CTNNA2: variants seen among roughly 807,000 people sequenced by gnomAD.
CTNNA2 encodes catenin alpha 2, also known as catenin alpha-2.
In CTNNA2, 42 loss-of-function variants were observed where a neutral mutation model predicts 101.0. The observed-to-expected ratio is 0.42, with a 90% CI of 0.32 to 0.54. The LOEUF (loss-of-function observed/expected upper bound fraction) is 0.54. Ranked by LOEUF, CTNNA2 falls within the 20% of genes least tolerant of loss-of-function variation. CTNNA2 has a pLI of 0.14. For missense variants in CTNNA2, 871 were observed against 1,223.1 expected (o/e 0.71, Z 4.29); for synonymous variants, 450 against 456.4 (o/e 0.99, Z 0.18).
intron 7 of CTNNA2, among the ~76,000 whole-genome samples, chr2:79,947,551 C>T (rs2104478974): frequency 6.6e-6 from 1 of 152,252 alleles, no homozygotes; most frequent in East Asian, 1.9e-4. Context: ...TTTGCATTGC[C>T]ATTGAACAGA....
At chr2:80,230,632 A>G (rs546077476) in intron 7 of CTNNA2, among the ~76,000 whole-genome samples, 1 of 152,268 alleles carries the variant, frequency 6.6e-6, no homozygotes, top group South Asian at 2.1e-4. Context: ...TCTTCAGAGA[A>G]AGCCACAAGA....
Position 79,924,305 on chromosome 2 carries a change from A to G in CTNNA2, c.1056+14508A>G, listed in dbSNP as rs575420284. On this transcript the variant is annotated intron_variant, in intron 7 of 18. Transcript: ENST00000402739. Reference sequence around the variant, plus strand: ...TTCTACATCTTTGGGGTTTTGCAGTATAAATTGTGTTGTTCTGAGCTTCCC... The same window carrying G: ...TTCTACATCTTTGGGGTTTTGCAGTGTAAATTGTGTTGTTCTGAGCTTCCC... 2.0e-5 allele frequency among the ~76,000 whole-genome samples: 3 copies of G among 152,172 alleles called. No homozygotes were observed. In the East Asian group the frequency reaches 5.8e-4, roughly 29 times the overall value.
chr2:80,107,520 C>T (rs978346217), intron 7 of CTNNA2, among the ~76,000 whole-genome samples: 1 of 152,188 alleles, frequency 6.6e-6, no homozygotes, highest in Non-Finnish European at 1.5e-5. Flanking sequence ...CTGCTCCCCT[C>T]TCTGCTGATA....
intron 3 of CTNNA2, among the ~76,000 whole-genome samples, chr2:79,313,702 A>G (rs985761009): frequency 8.5e-5 from 13 of 152,188 alleles, no homozygotes; most frequent in African/African-American, 3.1e-4. Flanking sequence ...GGACTCTGAC[A>G]GAAACATGCA....
At chr2:80,307,410 C>T (rs552490002) in intron 7 of CTNNA2, among the ~76,000 whole-genome samples, 13 of 151,918 alleles carry the variant, frequency 8.6e-5, no homozygotes, top group African/African-American at 2.7e-4. Context: ...CACAGCAAGT[C>T]GATATGGCTG....
chr2:80,026,943 G>C (rs1221647531), intron 7 of CTNNA2, among the ~76,000 whole-genome samples: 2 of 152,170 alleles, frequency 1.3e-5, no homozygotes, highest in Non-Finnish European at 2.9e-5. Context: ...CAATTAATAA[G>C]GTAGATTTCA....
intron 2 of CTNNA2, among the ~76,000 whole-genome samples, chr2:79,737,864 G>T (rs1248336319): frequency 6.6e-6 from 1 of 152,166 alleles, no homozygotes; most frequent in Non-Finnish European, 1.5e-5. Flanking sequence ...GTGTAATGGA[G>T]TTTCCAAGAC....
intron 7 of CTNNA2, among the ~76,000 whole-genome samples, chr2:80,255,513 GTGAGCCT>G (rs1448784623): frequency 6.6e-6 from 1 of 152,058 alleles, no homozygotes; most frequent in African/African-American, 2.4e-5. Flanking sequence ...AAATAGATTT[GTGAGCCT>G]TGTCTGTAAT....
chr2:80,590,498 T>C (rs1206650014), intron 15 of CTNNA2, among the ~76,000 whole-genome samples: 3 of 152,196 alleles, frequency 2.0e-5, no homozygotes, highest in African/African-American at 7.2e-5. Flanking sequence ...GCATTTGTTA[T>C]TGAAATAATG....
chr2:79,531,679 G>T (rs1452489905), intron 1 of CTNNA2, among the ~76,000 whole-genome samples: 1 of 151,504 alleles, frequency 6.6e-6, no homozygotes, highest in African/African-American at 2.4e-5. Context: ...AATTATGTTA[G>T]TAAATTTTTT....
intron 1 of CTNNA2, among the ~76,000 whole-genome samples, chr2:79,544,999 A>C (rs755656224): frequency 2.5e-4 from 38 of 152,196 alleles, no homozygotes; most frequent in East Asian, 1.9e-4. Context: ...GGGGCTATCC[A>C]GAAAGATAAG....
chr2:79,392,770 C>A (rs1278594580), intron 4 of CTNNA2, among the ~76,000 whole-genome samples: 1 of 152,122 alleles, frequency 6.6e-6, no homozygotes, highest in African/African-American at 2.4e-5. Flanking sequence ...ACATTTCCAA[C>A]CTGTTTTTTC....
intron 18 of CTNNA2, among the ~76,000 whole-genome samples, chr2:80,623,824 C>G (rs775370387): frequency 6.6e-6 from 1 of 151,878 alleles, no homozygotes; most frequent in Non-Finnish European, 1.5e-5. Flanking sequence ...AGAACTGACT[C>G]ATTCTGTTTC....
intron 4 of CTNNA2, among the ~76,000 whole-genome samples, chr2:79,439,003 T>C (rs1207604856): frequency 1.3e-5 from 2 of 152,104 alleles, no homozygotes; most frequent in South Asian, 2.1e-4. Flanking sequence ...CTTTGGAAAA[T>C]AGTTTGAGAG....
At chr2:80,120,990 C>T (rs1701800615) in intron 7 of CTNNA2, among the ~76,000 whole-genome samples, 1 of 152,110 alleles carries the variant, frequency 6.6e-6, no homozygotes, top group Admixed American at 6.5e-5. Context: ...TACAACATGG[C>T]TAATGAAGGC....
chr2:79,810,352 G>T (rs572370381), intron 3 of CTNNA2, among the ~76,000 whole-genome samples: 1 of 152,064 alleles, frequency 6.6e-6, no homozygotes, highest in Non-Finnish European at 1.5e-5. Context: ...ATTAGATCTC[G>T]TGAGACTTAT....
At chr2:79,657,668 A>G (rs1305398191) in intron 2 of CTNNA2, among the ~76,000 whole-genome samples, 1 of 151,834 alleles carries the variant, frequency 6.6e-6, no homozygotes, top group Non-Finnish European at 1.5e-5. Context: ...TTGAAAATTT[A>G]AATGCAAAAA....
In CTNNA2 at chr2:79,196,428, A is replaced by G. The variant is rs558502276; in HGVS notation, c.-523-1531A>G. Among the ~76,000 whole-genome samples, 213 of 152,298 alleles carry G rather than the reference A, an allele frequency of 1.4e-3. 1 individual carries two copies. Among genetic ancestry groups the G allele is most frequent in the Admixed American group, 3.5e-3 (54 of 15,290 alleles). ...ATATTGAGATCTCTTTTACCCATAT[A>G]AATCAGTGTTGTTTTAACTTCTCCT... On this transcript the variant is annotated intron_variant, in intron 1 of 21. Transcript: ENST00000466387.
intron 7 of CTNNA2, among the ~76,000 whole-genome samples, chr2:80,201,577 G>A (rs773381343): frequency 5.9e-5 from 9 of 151,740 alleles, no homozygotes; most frequent in East Asian, 3.9e-4. Context: ...GGGTTTCACC[G>A]TGTTAGCTAG....
Sources: allele counts gnomAD v4.1 joint callset (sites outside exome capture counted in the v4.1 genomes callset), GRCh38; gene constraint gnomAD v4.1.1; transcripts MANE v1.5; gene names NCBI Gene and HGNC (gene_info 2026-07-23, HGNC 2026-07-21).